The following LIPA variants were observed in gnomAD, a reference collection of about 807,000 sequenced individuals.
LIPA encodes the protein lysosomal acid lipase/cholesteryl ester hydrolase.
Under a neutral mutation model 40.6 loss-of-function variants are expected in LIPA, and 26 were observed. The observed-to-expected ratio is 0.64, with a 90% CI of 0.47 to 0.89. The LOEUF (loss-of-function observed/expected upper bound fraction) is 0.89. LIPA is among the 40% of genes least tolerant of loss of function. LIPA has a pLI of 0.00. For missense variants in LIPA, 455 were observed against 479.6 expected, an observed-to-expected ratio of 0.95 and a Z score of 0.48; for synonymous variants, 188 against 168.4, an observed-to-expected ratio of 1.12 and a Z score of -0.90.
intron 3 of LIPA, among the ~76,000 whole-genome samples, chr10:89,235,115 G>C (rs1317239701): frequency 1.3e-5 from 2 of 152,238 alleles, no homozygotes; most frequent in African/African-American, 4.8e-5. Flanking sequence ...TGTGGACAAA[G>C]TGCTTGAAGA....
chr10:89,339,956 C>T, intron 1 of LIPA: 1 of 1,614,182 alleles, frequency 6.2e-7, no homozygotes, highest in Non-Finnish European at 8.5e-7. Flanking sequence ...CTGCTGCAAG[C>T]AGCCAAATGT....
intron 2 of LIPA, chr10:89,412,554 G>A (rs779731048): frequency 5.8e-6 from 1 of 173,034 alleles, no homozygotes; most frequent in Non-Finnish European, 1.3e-5. Flanking sequence ...CGTCGTGGAA[G>A]TTTTGTTCTT....
chr10:89,412,679 C>T (rs746244462), intron 2 of LIPA: 6 of 400,394 alleles, frequency 1.5e-5, no homozygotes, highest in Non-Finnish European at 2.4e-5. Flanking sequence ...AGTGAAACCA[C>T]GAACCCACCG....
intron 1 of LIPA, chr10:89,338,404 G>C: frequency 2.5e-6 from 1 of 397,252 alleles, no homozygotes. Flanking sequence ...CCCTTCCTCT[G>C]CCTTTTTGTT....
At chr10:89,288,450 A>G (rs557863967) in intron 1 of LIPA, among the ~76,000 whole-genome samples, 8 of 152,170 alleles carry the variant, frequency 5.3e-5, no homozygotes, top group Admixed American at 1.3e-4. Context: ...ACACACAGCG[A>G]AAGTACAGGG....
rs1362605679 is a variant in LIPA at position 89,296,462 on chromosome 10, A to C, written c.-2+46149T>G. On this transcript the variant is annotated intron_variant, in intron 1 of 5. Transcript: ENST00000282673. ...AGCCAAGATCTCACCACTGTAGTCT[A>C]GCTTTGGCAACAGAGCGAGACTGTC... 2.1e-5 allele frequency among the ~76,000 whole-genome samples: 3 copies of C among 144,404 alleles called. No individual in the cohort carries two copies. The East Asian group carries it at 6.4e-4, about 31-fold the overall frequency. The allele number at this position is 144,404 out of a possible 152,430, so 94.7% of individuals were successfully genotyped here. A position where few individuals can be genotyped will look rare whatever the true frequency, so the allele number is the denominator to read the frequency against.
intron 2 of LIPA, among the ~76,000 whole-genome samples, chr10:89,376,499 G>A (rs1347422274): frequency 3.9e-5 from 6 of 152,300 alleles, no homozygotes; most frequent in South Asian, 2.1e-4. Flanking sequence ...GTCAGGAGCA[G>A]TAACTGGAGC....
At chr10:89,413,108 T>C (rs753410779) in intron 1 of LIPA, among the ~76,000 whole-genome samples, 16 of 152,206 alleles carry the variant, frequency 1.1e-4, no homozygotes, top group Non-Finnish European at 2.1e-4. Flanking sequence ...CATGCAGTGT[T>C]TGGTTTCTGT....
At chr10:89,299,513 A>G (rs761509092) in intron 1 of LIPA, among the ~76,000 whole-genome samples, 2 of 152,178 alleles carry the variant, frequency 1.3e-5, no homozygotes, top group East Asian at 1.9e-4. Flanking sequence ...GCAATCCCCA[A>G]TCAGATACAG....
chr10:89,298,519 AGTC>A (rs1843428173), intron 1 of LIPA, among the ~76,000 whole-genome samples: 1 of 152,230 alleles, frequency 6.6e-6, no homozygotes, highest in Non-Finnish European at 1.5e-5. Flanking sequence ...TTCAGGAAAA[AGTC>A]CTCCCCTACA....
intron 2 of LIPA, among the ~76,000 whole-genome samples, chr10:89,377,688 C>T (rs1272443413): frequency 6.6e-6 from 1 of 152,124 alleles, no homozygotes; most frequent in South Asian, 2.1e-4. Flanking sequence ...TGTAGACGTC[C>T]CTGGAACCAC....
intron 8 of LIPA, among the ~76,000 whole-genome samples, chr10:89,216,406 T>TAC (rs1842627078): frequency 7.5e-6 from 1 of 133,966 alleles, no homozygotes; most frequent in African/African-American, 3.2e-5. Flanking sequence ...TACATATATA[T>TAC]ATACATATAT....
intron 1 of LIPA, chr10:89,340,113 A>C: frequency 6.3e-7 from 1 of 1,597,360 alleles, no homozygotes; most frequent in Non-Finnish European, 8.5e-7. Flanking sequence ...TCTCTAACTC[A>C]GAGCAACTGA....
At chr10:89,219,093 T>A (rs1441905827) in intron 8 of LIPA, among the ~76,000 whole-genome samples, 1 of 152,154 alleles carries the variant, frequency 6.6e-6, no homozygotes, top group Non-Finnish European at 1.5e-5. Flanking sequence ...ACATATTACA[T>A]GTTTAACAAA....
chr10:89,324,531 A>T (rs889193107), intron 1 of LIPA, among the ~76,000 whole-genome samples: 2 of 152,230 alleles, frequency 1.3e-5, no homozygotes, highest in Admixed American at 1.3e-4. Flanking sequence ...GGACCTAATT[A>T]AACTAAAGAG....
chr10:89,224,683 G>A (rs1337092794), intron 6 of LIPA, among the ~76,000 whole-genome samples: 2 of 152,168 alleles, frequency 1.3e-5, no homozygotes, highest in East Asian at 3.8e-4. Context: ...TAATGATAGC[G>A]TTGTTAGGTC....
exon 1 of LIPA, chr10:89,414,476 T>A: frequency 2.9e-6 from 1 of 347,532 alleles, no homozygotes; most frequent in Non-Finnish European, 5.2e-6. Context: ...CGAAAGACCC[T>A]GGACTCCGCA....
intron 1 of LIPA, among the ~76,000 whole-genome samples, chr10:89,333,720 T>G (rs1843686069): frequency 6.6e-6 from 1 of 152,036 alleles, no homozygotes; most frequent in African/African-American, 2.4e-5. Context: ...AAAGGGTAAT[T>G]TAAGTATGAG....
intron 1 of LIPA, chr10:89,340,312 AC>A: frequency 1.9e-6 from 1 of 531,398 alleles, no homozygotes; most frequent in Non-Finnish European, 3.2e-6. Flanking sequence ...TAATCCCAGC[AC>A]TTTGGGAGGC....
Sources: allele counts gnomAD v4.1 joint callset (sites outside exome capture counted in the v4.1 genomes callset), GRCh38; gene constraint gnomAD v4.1.1; transcripts MANE v1.5; gene names NCBI Gene and HGNC (gene_info 2026-07-23, HGNC 2026-07-21).